WSB1: variants seen among roughly 807,000 people sequenced by gnomAD.
WSB1 encodes WD repeat and SOCS box containing 1.
A neutral mutation model predicts 50.2 loss-of-function variants in WSB1; 23 were observed. The ratio of observed to expected loss-of-function variants is 0.46; its 90% CI spans 0.33 to 0.65. The LOEUF (loss-of-function observed/expected upper bound fraction) is 0.65. Among genes scored for constraint, WSB1 ranks in the 30% least tolerant of loss-of-function variants. WSB1 has a pLI of 0.02. For synonymous variants in WSB1, 179 were observed against 172.0 expected, an observed-to-expected ratio of 1.04 and a Z score of -0.32; for missense variants, 492 against 522.3, an observed-to-expected ratio of 0.94 and a Z score of 0.56.
chr17:27,303,508 A>T lies in WSB1; in HGVS notation c.351A>T (p.Ser117=). The T allele has an allele frequency of 6.2e-7, 1 of 1,614,180 alleles. No individual in the cohort carries two copies. Among genetic ancestry groups the T allele is most frequent in the African/African-American group, 1.3e-5 (1 of 75,060 alleles). ...GDIVWSLAFG[S]SVPEKQSRCV... Reference sequence around the variant, plus strand: ...TAGTCTGGAGTCTTGCTTTTGGGTCATCAGTTCCAGAAAAACAGAGTCGCT... The same window carrying T: ...TAGTCTGGAGTCTTGCTTTTGGGTCTTCAGTTCCAGAAAAACAGAGTCGCT... The change falls in exon 3 of 9, where the codon TCA becomes TCT. Residue 117 remains serine (S), a synonymous_variant. Coordinates refer to ENST00000262394, the MANE Select transcript of WSB1 (RefSeq NM_015626.10).
Position 27,301,880 on chromosome 17 carries a change from G to C in WSB1, c.133G>C (p.Asp45His), listed in dbSNP as rs751259583. Reference protein sequence around the residue: ...RENWTVAFAPDGSYFAWSQGH... With the variant: ...RENWTVAFAPHGSYFAWSQGH... ...AAATTGGACTGTTGCTTTTGCTCCA[G>C]ATGGTTCATACTTTGCTTGGTCACA... The change falls in exon 2 of 9, where the codon GAT becomes CAT. Residue 45 changes from aspartate to histidine, a missense_variant. Transcript: ENST00000262394. The C allele has an allele frequency of 6.2e-7, 1 of 1,613,942 alleles. No individual in the cohort carries two copies. Among genetic ancestry groups the C allele is most frequent in the Non-Finnish European group, 8.5e-7 (1 of 1,179,982 alleles).
rs142114425 is a variant in WSB1 at position 27,303,483 on chromosome 17, T to C, written c.326T>C (p.Ile109Thr). The C allele has an allele frequency of 2.6e-5, 42 of 1,614,034 alleles. No individual in the cohort carries two copies. Among genetic ancestry groups the C allele is most frequent in the African/African-American group, 5.3e-5 (4 of 74,922 alleles). ...PREHIIDCGD[I>T]VWSLAFGSSV... ...GAACATATTATAGACTGTGGAGATA[T>C]AGTCTGGAGTCTTGCTTTTGGGTCA... Residue 109 changes from isoleucine (I) to threonine (T), a missense_variant, in exon 3 of 9, where the codon ATA (isoleucine) becomes ACA (threonine). Physicochemically the swap from Ile to Thr is moderately conservative, Grantham distance 89 (BLOSUM62 -1). Transcript: ENST00000262394.
At position 27,309,132 on chromosome 17, in the gene WSB1, G is replaced by A. The variant is rs751347915; in HGVS notation, c.744G>A (p.Met248Ile). The A allele has an allele frequency of 9.9e-6, 16 of 1,611,118 alleles. No individual in the cohort carries two copies. In the South Asian group the frequency reaches 1.7e-4, roughly 17 times the overall value. ...TTTGGAATATGGATAAATACACCATGATACGGAAACTAGAAGGACATCACC... is the reference window on the plus strand; with the variant it reads ...TTTGGAATATGGATAAATACACCATAATACGGAAACTAGAAGGACATCACC... The part of the protein sequence containing the change: ...VFLWNMDKYT[M>I]IRKLEGHHHD... Residue 248 changes from methionine to isoleucine, a missense_variant, in exon 6 of 9, where the codon ATG (methionine) becomes ATA (isoleucine). Coordinates refer to ENST00000262394, the MANE Select transcript of WSB1 (RefSeq NM_015626.10).
chr17:27,312,556 A>G lies in WSB1; in HGVS notation c.*187A>G. The G allele has an allele frequency of 2.8e-6, 2 of 722,342 alleles. No individual in the cohort carries two copies. The highest frequency in any genetic ancestry group is 3.1e-5 in the East Asian group (1 of 31,748). 44.7% of individuals were successfully genotyped at this position (722,342 alleles called of 1,614,324 possible). A position where few individuals can be genotyped will look rare whatever the true frequency, so the allele number is the denominator to read the frequency against. On this transcript the variant is annotated 3_prime_UTR_variant, in exon 9 of 9. Transcript: ENST00000262394. ...TTATAGACAATAGAAGTATTTCTGA[A>G]CATATCAAATATAAATTTTTTTAAA...
rs1273522880 is a variant in WSB1, at chr17:27,312,290, G to T, written c.1187G>T (p.Arg396Leu). 1.2e-6 allele frequency: 2 copies of T among 1,614,144 alleles called. No individual in the cohort carries two copies. Among genetic ancestry groups the T allele is most frequent in the South Asian group, 2.2e-5 (2 of 91,074 alleles). ...SLQHLCRMSIRRVMPTQEVQE... is the reference protein window; with the variant it reads ...SLQHLCRMSILRVMPTQEVQE... Reference sequence around the variant, plus strand: ...CAACATTTATGTCGCATGTCAATCCGAAGAGTGATGCCCACCCAAGAAGTT... The same window carrying T: ...CAACATTTATGTCGCATGTCAATCCTAAGAGTGATGCCCACCCAAGAAGTT... The change falls in exon 9 of 9, where the codon CGA becomes CTA. Residue 396 changes from arginine (R) to leucine (L), a missense_variant. Arg to Leu is a moderately radical substitution (Grantham distance 102, BLOSUM62 -2). Coordinates refer to ENST00000262394, the MANE Select transcript of WSB1 (RefSeq NM_015626.10).
rs1350211051 is a variant in WSB1 at position 27,304,956 on chromosome 17, A to G, written c.610+45A>G. 5 of 1,610,268 alleles carry G rather than the reference A, an allele frequency of 3.1e-6. No individual in the cohort carries two copies. The African/African-American group carries it at 5.3e-5, about 17-fold the overall frequency. ...TATGAACTAGGATTTGTTTCTTGATACTACTATGGAGAGGTATTGGGAACA... is the reference window on the plus strand; with the variant it reads ...TATGAACTAGGATTTGTTTCTTGATGCTACTATGGAGAGGTATTGGGAACA... On this transcript the variant is annotated intron_variant, in intron 4 of 8. Coordinates refer to ENST00000262394, the MANE Select transcript of WSB1 (RefSeq NM_015626.10).
chr17:27,307,000 G>T, intron 5 of WSB1, 118 bp downstream of exon 5: 1 of 923,704 alleles, frequency 1.1e-6, no homozygotes, highest in Non-Finnish European at 1.6e-6. Context: ...TATTTTAAAT[G>T]TTTTATTTCA....
intron 3 of WSB1, among the ~76,000 whole-genome samples, chr17:27,303,986 G>A (rs2017341299): frequency 6.6e-6 from 1 of 152,116 alleles, no homozygotes; most frequent in Non-Finnish European, 1.5e-5. Flanking sequence ...TAGCTTAGAG[G>A]TTTTCGAGGT....
At position 27,303,505 on chromosome 17, in the gene WSB1, G is replaced by A. The variant is rs746498530; in HGVS notation, c.348G>A (p.Gly116=). 1.2e-6 allele frequency: 2 copies of A among 1,614,110 alleles called. No individual in the cohort carries two copies. The highest frequency in any genetic ancestry group is 3.3e-5 in the Admixed American group (2 of 60,006). ...CGDIVWSLAF[G]SSVPEKQSRC... ...ATATAGTCTGGAGTCTTGCTTTTGG[G>A]TCATCAGTTCCAGAAAAACAGAGTC... The change falls in exon 3 of 9, where the codon GGG becomes GGA. Residue 116 remains glycine, a synonymous_variant. Transcript: ENST00000262394.
At chr17:27,310,541 A>T (rs1333853163) in intron 7 of WSB1, among the ~76,000 whole-genome samples, 1 of 152,222 alleles carries the variant, frequency 6.6e-6, no homozygotes, top group Non-Finnish European at 1.5e-5. Flanking sequence ...ATTTGTATCC[A>T]CCATGATTGA....
At chr17:27,297,984 C>T (rs1019880887) in intron 1 of WSB1, among the ~76,000 whole-genome samples, 1 of 151,810 alleles carries the variant, frequency 6.6e-6, no homozygotes, top group African/African-American at 2.4e-5. Context: ...TGGTGGGCAT[C>T]ATGATGGTGC....
intron 1 of WSB1, among the ~76,000 whole-genome samples, chr17:27,300,100 G>T (rs1157588556): frequency 6.7e-6 from 1 of 149,886 alleles, no homozygotes; most frequent in East Asian, 1.9e-4. Context: ...CTGAGCACCT[G>T]TCATATGCCA....
At chr17:27,308,749 G>A (rs776655822) in intron 5 of WSB1, 18 of 988,066 alleles carry the variant, frequency 1.8e-5, no homozygotes, top group Non-Finnish European at 2.2e-5. Context: ...AGAGAAGGGG[G>A]TTTGTAGTAC....
intron 4 of WSB1, among the ~76,000 whole-genome samples, chr17:27,305,215 CTG>C (rs1214057765): frequency 5.9e-5 from 9 of 152,160 alleles, no homozygotes. Context: ...AGGAACCAGT[CTG>C]TGTTTATGTC....
chr17:27,308,519 G>GAACATTTT, intron 5 of WSB1: 1 of 985,684 alleles, frequency 1.0e-6, no homozygotes, highest in Non-Finnish European at 1.2e-6. Flanking sequence ...TTTGTAATGT[G>GAACATTTT]GTTTAACATC....
At chr17:27,298,191 G>A (rs906875709) in intron 1 of WSB1, among the ~76,000 whole-genome samples, 3 of 151,138 alleles carry the variant, frequency 2.0e-5, no homozygotes, top group African/African-American at 7.3e-5. Flanking sequence ...GCTTGCTAAG[G>A]GAGAGCTTAA....
chr17:27,307,919 G>C (rs1304883015), intron 5 of WSB1: 1 of 1,263,888 alleles, frequency 7.9e-7, no homozygotes, highest in Non-Finnish European at 9.9e-7. Flanking sequence ...TACGTACACA[G>C]GTGCTGGTCG....
At chr17:27,308,566 A>G (rs1415404748) in intron 5 of WSB1, 14 of 985,744 alleles carry the variant, frequency 1.4e-5, no homozygotes, top group Non-Finnish European at 1.6e-5. Flanking sequence ...TTGGCTGTGA[A>G]TATTCTATTT....
Position 27,301,837 on chromosome 17 carries a change from C to G in WSB1, c.90C>G (p.Asp30Glu). The change falls in exon 2 of 9, where the codon GAC (aspartate) becomes GAG (glutamate). Residue 30 changes from aspartate to glutamate, a missense_variant. Asp to Glu is a conservative substitution (Grantham distance 45). Transcript: ENST00000262394. ...GELLAPAAPF[D>E]KKCGRENWTV... Reference sequence around the variant, plus strand: ...TTTTAGCTCCTGCAGCTCCTTTTGACAAGAAATGTGGTCGTGAAAATTGGA... The same window carrying G: ...TTTTAGCTCCTGCAGCTCCTTTTGAGAAGAAATGTGGTCGTGAAAATTGGA... 6.2e-7 allele frequency: 1 copy of G among 1,614,102 alleles called. No individual in the cohort carries two copies. The highest frequency in any genetic ancestry group is 8.5e-7 in the Non-Finnish European group (1 of 1,180,018).
Sources: allele counts gnomAD v4.1 joint callset (sites outside exome capture counted in the v4.1 genomes callset), GRCh38; gene constraint gnomAD v4.1.1; transcripts MANE v1.5; gene names NCBI Gene and HGNC (gene_info 2026-07-23, HGNC 2026-07-21).